EML4: variants seen among roughly 807,000 people sequenced by gnomAD.
EML4 encodes echinoderm microtubule-associated protein-like 4.
A neutral mutation model predicts 129.0 loss-of-function variants in EML4; 72 were observed. The observed-to-expected ratio is 0.56, with a 90% CI of 0.46 to 0.68. EML4 has a LOEUF of 0.68. EML4 is among the 30% of genes least tolerant of loss of function. The pLI, the probability that EML4 is intolerant of heterozygous loss-of-function variation, is 0.00. For synonymous variants in EML4, 532 were observed against 405.0 expected, an observed-to-expected ratio of 1.31 and a Z score of -3.77; for missense variants, 1,363 against 1,190.6, an observed-to-expected ratio of 1.14 and a Z score of -2.13.
intron 1 of EML4, among the ~76,000 whole-genome samples, chr2:42,238,077 T>C (rs1674787413): frequency 6.6e-6 from 1 of 152,214 alleles, no homozygotes; most frequent in Admixed American, 6.5e-5. Flanking sequence ...TTTTAAATAC[T>C]GTATAAAATT....
chr2:42,222,783 TTTTG>T (rs1350709059), intron 1 of EML4, among the ~76,000 whole-genome samples: 4 of 141,178 alleles, frequency 2.8e-5, no homozygotes, highest in African/African-American at 1.0e-4. Context: ...ATAACGGTTC[TTTTG>T]TTTGTTTTGT....
intron 17 of EML4, among the ~76,000 whole-genome samples, chr2:42,311,050 C>G (rs1355251057): frequency 6.6e-6 from 1 of 152,134 alleles, no homozygotes; most frequent in African/African-American, 2.4e-5. Flanking sequence ...AAAACTTAGG[C>G]ACGGTTTTGG....
At chr2:42,241,045 C>T (rs1674999217) in intron 1 of EML4, among the ~76,000 whole-genome samples, 1 of 152,174 alleles carries the variant, frequency 6.6e-6, no homozygotes, top group South Asian at 2.1e-4. Flanking sequence ...CTACTCCGAG[C>T]CTCAGCTAAT....
rs548064302 is a variant in EML4 at position 42,228,835 on chromosome 2, A to T, written c.26-16670A>T. On this transcript the variant is annotated intron_variant, in intron 1 of 22. Transcript: ENST00000318522. ...AGGGTTAGGAAACAGTCTTATTTAA[A>T]TCCTAACAATGCATGGTATGTATTA... Among the ~76,000 whole-genome samples, 13 of 152,324 alleles carry T rather than the reference A, an allele frequency of 8.5e-5. 1 individual carries two copies. In the East Asian group the frequency reaches 2.5e-3, roughly 29 times the overall value.
chr2:42,246,737 G>C lies in EML4; in HGVS notation c.208+1050G>C, dbSNP rs1167585596. ...TGAAGCCATAGAGGATGTAAAATGA[G>C]AAGGCAGTCCAGCATAGTTCCACTG... On this transcript the variant is annotated intron_variant, in intron 2 of 22. Coordinates refer to ENST00000318522, the MANE Select transcript of EML4 (RefSeq NM_019063.5). 3.3e-5 allele frequency among the ~76,000 whole-genome samples: 5 copies of C among 152,200 alleles called. 1 individual carries two copies. In the South Asian group the frequency reaches 6.2e-4, roughly 19 times the overall value.
intron 1 of EML4, among the ~76,000 whole-genome samples, chr2:42,191,466 AT>A (rs1671576458): frequency 6.6e-6 from 1 of 152,110 alleles, no homozygotes; most frequent in Non-Finnish European, 1.5e-5. Flanking sequence ...CCCCCTGTTA[AT>A]CATTATGTGT....
At chr2:42,220,139 G>C (rs984522754) in intron 1 of EML4, among the ~76,000 whole-genome samples, 1 of 151,448 alleles carries the variant, frequency 6.6e-6, no homozygotes, top group Non-Finnish European at 1.5e-5. Flanking sequence ...TATAATACGT[G>C]TATAACACAT....
At chr2:42,232,891 A>AT (rs1332864221) in intron 1 of EML4, among the ~76,000 whole-genome samples, 1 of 151,772 alleles carries the variant, frequency 6.6e-6, no homozygotes, top group African/African-American at 2.4e-5. Flanking sequence ...CGCGCGGCTA[A>AT]TTTTTTTTAT....
At chr2:42,220,236 ATTTTTTTT>A (rs56896362) in intron 1 of EML4, among the ~76,000 whole-genome samples, 3 of 140,134 alleles carry the variant, frequency 2.1e-5, no homozygotes, top group South Asian at 2.2e-4. Flanking sequence ...CAGATACTGT[ATTTTTTTT>A]TTTTTTTTTT....
chr2:42,219,561 T>A (rs537770584), intron 1 of EML4, among the ~76,000 whole-genome samples: 1 of 152,340 alleles, frequency 6.6e-6, no homozygotes, highest in African/African-American at 2.4e-5. Flanking sequence ...AACAAAATTT[T>A]AAAAAATCAA....
chr2:42,308,242 C>G (rs953076581), intron 17 of EML4, among the ~76,000 whole-genome samples: 1 of 152,188 alleles, frequency 6.6e-6, no homozygotes, highest in African/African-American at 2.4e-5. Flanking sequence ...GTGGCTCATG[C>G]CTGTAATCCC....
chr2:42,249,776 C>G (rs1468401294), intron 2 of EML4, among the ~76,000 whole-genome samples: 1 of 152,128 alleles, frequency 6.6e-6, no homozygotes, highest in Non-Finnish European at 1.5e-5. Context: ...ATGCAGGACA[C>G]TTGACTGAGG....
At chr2:42,264,942 A>AG (rs1454579369) in intron 6 of EML4, 3 of 1,550,380 alleles carry the variant, frequency 1.9e-6, no homozygotes, top group Non-Finnish European at 2.6e-6. Flanking sequence ...TCGCGAAAAA[A>AG]ACAGCCAAGG....
intron 1 of EML4, among the ~76,000 whole-genome samples, chr2:42,201,161 A>G (rs562704618): frequency 5.3e-5 from 8 of 152,346 alleles, no homozygotes; most frequent in African/African-American, 1.9e-4. Flanking sequence ...TGCTAGCTGG[A>G]AATTAACTCT....
chr2:42,279,093 C>T (rs958585908), intron 6 of EML4, among the ~76,000 whole-genome samples: 1 of 152,110 alleles, frequency 6.6e-6, no homozygotes, highest in Admixed American at 6.5e-5. Flanking sequence ...TCTTGAAAAT[C>T]TCAGGGTATT....
chr2:42,223,092 A>C (rs1673720082), intron 1 of EML4, among the ~76,000 whole-genome samples: 1 of 152,132 alleles, frequency 6.6e-6, no homozygotes, highest in Non-Finnish European at 1.5e-5. Context: ...GACGTGAGCC[A>C]CCGTGCCTGG....
intron 4 of EML4, among the ~76,000 whole-genome samples, chr2:42,261,948 T>G (rs987579555): frequency 6.6e-6 from 1 of 152,194 alleles, no homozygotes; most frequent in Admixed American, 6.5e-5. Flanking sequence ...AATCTAAACC[T>G]GCATGCTGGG....
At chr2:42,281,268 C>T (rs1666989873) in intron 7 of EML4, among the ~76,000 whole-genome samples, 1 of 151,862 alleles carries the variant, frequency 6.6e-6, no homozygotes, top group South Asian at 2.1e-4. Flanking sequence ...TGGTGCATGC[C>T]TGTAATCCCA....
chr2:42,175,638 A>T (rs750748662), intron 1 of EML4, among the ~76,000 whole-genome samples: 11 of 151,998 alleles, frequency 7.2e-5, no homozygotes, highest in Non-Finnish European at 1.6e-4. Flanking sequence ...AGCTGAGATG[A>T]CAGGTGTGCA....
Sources: allele counts gnomAD v4.1 joint callset (sites outside exome capture counted in the v4.1 genomes callset), GRCh38; gene constraint gnomAD v4.1.1; transcripts MANE v1.5; gene names NCBI Gene and HGNC (gene_info 2026-07-23, HGNC 2026-07-21).